The following ZNF423 variants were observed in gnomAD, a reference collection of about 807,000 sequenced individuals.
ZNF423 encodes the protein Ebf-associated zinc finger protein.
In ZNF423, 12 loss-of-function variants were observed where a neutral mutation model predicts 95.8. The observed-to-expected ratio is 0.13, with a 90% CI of 0.08 to 0.20. ZNF423 has a LOEUF of 0.20. Ranked by LOEUF, ZNF423 falls within the 10% of genes least tolerant of loss-of-function variation. ZNF423 has a pLI of 1.00. For synonymous variants in ZNF423, 749 were observed against 711.9 expected, an observed-to-expected ratio of 1.05 and a Z score of -0.83; for missense variants, 1,316 against 1,737.1, an observed-to-expected ratio of 0.76 and a Z score of 4.31.
chr16:49,508,513 TAAAAAAAA>T (rs35061120), intron 7 of ZNF423, among the ~76,000 whole-genome samples: 11 of 101,896 alleles, frequency 1.1e-4, no homozygotes, highest in African/African-American at 3.8e-4. Flanking sequence ...TTCTCTTTCT[TAAAAAAAA>T]AAAAAAAAAA....
chr16:49,517,941 A>T (rs1567438195), intron 7 of ZNF423: 2 of 453,784 alleles, frequency 4.4e-6, no homozygotes, highest in Non-Finnish European at 8.8e-6. Flanking sequence ...TGATCAAAAG[A>T]CCATTGTTTT....
rs546671636 is a variant in ZNF423, at chr16:49,552,900, C to A, written c.3602-27406G>T. Among the ~76,000 whole-genome samples the A allele has an allele frequency of 1.9e-3, 290 of 151,984 alleles. 18 individuals carry two copies. In the South Asian group the frequency reaches 0.058, roughly 30 times the overall value. Reference sequence around the variant, plus strand: ...GGAGGGGATGGGGATGCAGAAGAGACCCGACCCCACCTGGACCCGCTCTAC... The same window carrying A: ...GGAGGGGATGGGGATGCAGAAGAGAACCGACCCCACCTGGACCCGCTCTAC... On this transcript the variant is annotated intron_variant, in intron 5 of 7. Transcript: ENST00000563137.
chr16:49,691,271 G>T (rs1198137326), intron 3 of ZNF423, among the ~76,000 whole-genome samples: 1 of 152,232 alleles, frequency 6.6e-6, no homozygotes, highest in African/African-American at 2.4e-5. Flanking sequence ...GGATGCTGGG[G>T]TCTGTGCAAA....
At chr16:49,745,951 C>T (rs528717387) in intron 2 of ZNF423, among the ~76,000 whole-genome samples, 6 of 152,238 alleles carry the variant, frequency 3.9e-5, no homozygotes, top group Admixed American at 3.3e-4. Flanking sequence ...CTGGGATCTG[C>T]GCCCCAACAC....
At position 49,596,153 on chromosome 16, in the gene ZNF423, C is replaced by T. The variant is rs565553022; in HGVS notation, c.3601+30017G>A. 3.3e-5 allele frequency among the ~76,000 whole-genome samples: 5 copies of T among 152,212 alleles called. No homozygotes were observed. The South Asian group carries it at 8.3e-4, about 25-fold the overall frequency. On this transcript the variant is annotated intron_variant, in intron 5 of 7. Coordinates refer to ENST00000563137, the MANE Select transcript of ZNF423 (RefSeq NM_001379286.1). ...ATCCAGGAAATAGCTATGTTCTTTA[C>T]GGCATGCTTTTACATTGGGAAAAAA...
At chr16:49,683,040 AG>A (rs532974602) in intron 3 of ZNF423, among the ~76,000 whole-genome samples, 70 of 152,328 alleles carry the variant, frequency 4.6e-4, no homozygotes, top group African/African-American at 1.6e-3. Context: ...TAGGCTGCAG[AG>A]CTGCAGTGCC....
At chr16:49,501,684 A>C (rs915506802) in intron 7 of ZNF423, among the ~76,000 whole-genome samples, 7 of 152,154 alleles carry the variant, frequency 4.6e-5, no homozygotes, top group Non-Finnish European at 8.8e-5. Flanking sequence ...ATATCATGGA[A>C]TATTATGCAT....
rs116641282 is a variant in ZNF423, at chr16:49,808,253, G to A, written c.41-18707C>T. ...ATTTTTTAATTTTTTGTAGAGACAG[G>A]GTTTTACCATGTTGTCTAGGCTGGT... On this transcript the variant is annotated intron_variant, in intron 1 of 7. Transcript: ENST00000563137. 1.1e-3 allele frequency among the ~76,000 whole-genome samples: 171 copies of A among 151,886 alleles called. 1 individual carries two copies. The highest frequency in any genetic ancestry group is 3.9e-3 in the African/African-American group (162 of 41,418).
intron 5 of ZNF423, among the ~76,000 whole-genome samples, chr16:49,532,488 G>A (rs183025816): frequency 5.3e-5 from 8 of 152,202 alleles, no homozygotes; most frequent in African/African-American, 1.4e-4. Context: ...GGGACCCATC[G>A]TATGGTCCCC....
At chr16:49,748,287 A>G (rs1434492559) in intron 2 of ZNF423, among the ~76,000 whole-genome samples, 13 of 152,192 alleles carry the variant, frequency 8.5e-5, no homozygotes, top group Admixed American at 8.5e-4. Flanking sequence ...GACAAGCCCC[A>G]TTGCTGGACA....
chr16:49,605,362 T>C (rs983745228), intron 5 of ZNF423, among the ~76,000 whole-genome samples: 41 of 152,366 alleles, frequency 2.7e-4, no homozygotes, highest in African/African-American at 9.6e-4. Flanking sequence ...TCTGGCCAGC[T>C]GTGCAACCTC....
At chr16:49,616,302 A>G (rs939058096) in intron 5 of ZNF423, among the ~76,000 whole-genome samples, 5 of 152,264 alleles carry the variant, frequency 3.3e-5, no homozygotes, top group Admixed American at 3.3e-4. Flanking sequence ...TAGAGTGCAG[A>G]GTGATGGTCA....
intron 2 of ZNF423, among the ~76,000 whole-genome samples, chr16:49,769,167 C>T (rs2033984607): frequency 1.3e-5 from 2 of 152,038 alleles, no homozygotes; most frequent in African/African-American, 4.8e-5. Context: ...ACCTGCCTGG[C>T]CCACATGGCA....
chr16:49,662,649 C>T (rs1427372595), intron 3 of ZNF423, among the ~76,000 whole-genome samples: 4 of 152,112 alleles, frequency 2.6e-5, no homozygotes, highest in South Asian at 2.1e-4. Flanking sequence ...TAGTAAATCA[C>T]GTGTTGCTAT....
Position 49,636,569 on chromosome 16 carries a change from C to T in ZNF423, c.2607G>A (p.Met869Ile). 1 of 1,614,016 alleles carries T rather than the reference C, an allele frequency of 6.2e-7. No homozygotes were observed. The highest frequency in any genetic ancestry group is 8.5e-7 in the Non-Finnish European group (1 of 1,180,014). ...KKAEPADLQG[M>I]LLKNPEAPNS... ...TAGGTGCCTCAGGGTTCTTAAGCAG[C>T]ATGCCCTGCAGGTCAGCAGGCTCAG... The change falls in exon 4 of 8, where the codon ATG becomes ATA. Residue 869 changes from methionine (M) to isoleucine (I), a missense_variant. Transcript: ENST00000563137. The surrounding 1 kb of genome is among the most constrained non-coding windows in gnomAD (Gnocchi z 8.6).
chr16:49,856,512 G>A (rs531375546), upstream of ZNF423, among the ~76,000 whole-genome samples: 333 of 151,116 alleles, frequency 2.2e-3, 1 homozygote, highest in African/African-American at 7.7e-3. Context: ...ATGCCCAAGC[G>A]CCTGGTTTGG....
chr16:49,760,880 T>C (rs942060986), intron 2 of ZNF423, among the ~76,000 whole-genome samples: 5 of 148,960 alleles, frequency 3.4e-5, no homozygotes, highest in African/African-American at 1.2e-4. Context: ...TCTCCCCAAA[T>C]TCCCCCTGCC....
At chr16:49,693,173 C>A (rs2031850675) in intron 3 of ZNF423, among the ~76,000 whole-genome samples, 1 of 152,238 alleles carries the variant, frequency 6.6e-6, no homozygotes, top group Admixed American at 6.5e-5. Context: ...CCTCCGGCTT[C>A]CCCTTCCTAC....
chr16:49,544,504 G>A (rs1017903782), intron 5 of ZNF423, among the ~76,000 whole-genome samples: 14 of 152,336 alleles, frequency 9.2e-5, no homozygotes, highest in African/African-American at 3.4e-4. Context: ...TATTTGGGAT[G>A]GGGGTCGAGG....
Sources: gnomAD v4.1 joint callset for allele counts (sites outside exome capture counted in the v4.1 genomes callset) on GRCh38, gnomAD v4.1.1 for gene constraint, Gnocchi (gnomAD v3.1) non-coding constraint, MANE v1.5 for transcripts, NCBI Gene and HGNC (gene_info 2026-07-23, HGNC 2026-07-21) for gene names.